Variants in KCNMA1 observed in about 807,000 individuals in gnomAD.
The protein encoded by KCNMA1 is Calcium-activated potassium channel subunit alpha-1.
In KCNMA1, 29 loss-of-function variants were observed where a neutral mutation model predicts 140.0. The ratio of observed to expected loss-of-function variants is 0.21; its 90% CI spans 0.15 to 0.28. The LOEUF (loss-of-function observed/expected upper bound fraction) is 0.28. Ranked by LOEUF, KCNMA1 falls within the 10% of genes least tolerant of loss-of-function variation. KCNMA1 has a pLI of 1.00. For synonymous variants in KCNMA1, 612 were observed against 611.9 expected, an observed-to-expected ratio of 1.00 and a Z score of 0.00; for missense variants, 880 against 1,602.2, an observed-to-expected ratio of 0.55 and a Z score of 7.70.
chr10:77,136,590 C>A (rs1272460280), intron 5 of KCNMA1, among the ~76,000 whole-genome samples: 4 of 32,700 alleles, frequency 1.2e-4, no homozygotes, highest in African/African-American at 4.2e-4. Flanking sequence ...ATTGGAAATG[C>A]TGAAAAAAAA....
intron 9 of KCNMA1, among the ~76,000 whole-genome samples, chr10:77,104,468 C>G (rs1478558236): frequency 6.6e-6 from 1 of 152,196 alleles, no homozygotes; most frequent in Non-Finnish European, 1.5e-5. Context: ...TTGGCTACAT[C>G]TAGTCTTTCA....
At chr10:77,004,267 C>T (rs1215898785) in intron 18 of KCNMA1, among the ~76,000 whole-genome samples, 7 of 144,808 alleles carry the variant, frequency 4.8e-5, no homozygotes, top group South Asian at 2.2e-4. Context: ...TCAGCAAGAA[C>T]GATCAATGAG....
rs10824494 is a variant in KCNMA1, at chr10:77,158,539, C to G, written c.808+24882G>C. Among the ~76,000 whole-genome samples the G allele has an allele frequency of 1.0e-3, 156 of 151,996 alleles. 1 individual carries two copies. Among genetic ancestry groups the G allele is most frequent in the African/African-American group, 3.4e-3 (140 of 41,448 alleles). ...GTGTGAATCTGATATTCCCCATAGTCCCCCCCTCCATGATTCCTAGTTTGC... is the reference window on the plus strand; with the variant it reads ...GTGTGAATCTGATATTCCCCATAGTGCCCCCCTCCATGATTCCTAGTTTGC... On this transcript the variant is annotated intron_variant, in intron 5 of 27. Coordinates refer to ENST00000286628, the MANE Select transcript of KCNMA1 (RefSeq NM_001161352.2).
intron 14 of KCNMA1, chr10:77,063,787 A>T (rs1257704621): frequency 2.0e-6 from 2 of 985,380 alleles, no homozygotes; most frequent in Middle Eastern, 5.2e-4. Flanking sequence ...AATTTGGAAG[A>T]GTGGGGAGGC....
chr10:77,419,402 C>A (rs2096821119), intron 1 of KCNMA1, among the ~76,000 whole-genome samples: 1 of 152,128 alleles, frequency 6.6e-6, no homozygotes, highest in African/African-American at 2.4e-5. Flanking sequence ...GAAGAAAGGT[C>A]AGGTGGTTAC....
intron 2 of KCNMA1, among the ~76,000 whole-genome samples, chr10:77,277,477 A>G (rs1032175035): frequency 6.6e-6 from 1 of 152,184 alleles, no homozygotes; most frequent in Non-Finnish European, 1.5e-5. Flanking sequence ...AGTTTCTCCA[A>G]CACCCAGTCC....
intron 1 of KCNMA1, among the ~76,000 whole-genome samples, chr10:77,590,981 C>T (rs11814189): frequency 0.15 from 23,563 of 152,128 alleles, 2,148 homozygotes; most frequent in Middle Eastern, 0.24. Flanking sequence ...TGGTGCCAGG[C>T]GAGAAAACAG....
intron 19 of KCNMA1, among the ~76,000 whole-genome samples, chr10:76,984,820 C>G (rs990417012): frequency 3.3e-5 from 5 of 152,132 alleles, no homozygotes; most frequent in African/African-American, 1.2e-4. Context: ...TCAAATAAAC[C>G]TTAGCAATTG....
At chr10:76,947,321 G>A (rs2064376088) in intron 22 of KCNMA1, among the ~76,000 whole-genome samples, 1 of 152,090 alleles carries the variant, frequency 6.6e-6, no homozygotes, top group Admixed American at 6.6e-5. Flanking sequence ...TGGGCAGCAA[G>A]AGTGAAACTT....
At chr10:76,943,653 C>A (rs1260425823) in intron 23 of KCNMA1, among the ~76,000 whole-genome samples, 1 of 152,318 alleles carries the variant, frequency 6.6e-6, no homozygotes, top group Middle Eastern at 3.4e-3. Flanking sequence ...CATCTCCCAC[C>A]AGCTGACTCT....
chr10:77,012,097 T>C, intron 17 of KCNMA1, 54 bp from the exon 18 acceptor site: 1 of 1,611,838 alleles, frequency 6.2e-7, no homozygotes. Context: ...CCAAATGAAA[T>C]GAGTACCACA....
At chr10:77,420,314 G>A (rs910092784) in intron 1 of KCNMA1, among the ~76,000 whole-genome samples, 3 of 152,248 alleles carry the variant, frequency 2.0e-5, no homozygotes, top group African/African-American at 7.2e-5. Flanking sequence ...ACCCACCGGA[G>A]GCTGTTAATA....
At chr10:77,002,184 T>C (rs540149459) in intron 18 of KCNMA1, among the ~76,000 whole-genome samples, 282 of 152,318 alleles carry the variant, frequency 1.9e-3, no homozygotes, top group African/African-American at 6.4e-3. Context: ...TGAGTTTATA[T>C]GATGGCTACA....
At chr10:77,235,038 C>T (rs1380207568) in intron 3 of KCNMA1, among the ~76,000 whole-genome samples, 2 of 152,172 alleles carry the variant, frequency 1.3e-5, no homozygotes, top group Non-Finnish European at 1.5e-5. Flanking sequence ...GAACTGGGTG[C>T]TATCAGGTTG....
Position 76,891,530 on chromosome 10 carries a change from A to G in KCNMA1, c.3337T>C (p.Leu1113=), listed in dbSNP as rs756169265. The part of the protein sequence containing the change: ...LALLDGPFAD[L]GDGGCYGDLF... Reference sequence around the variant, plus strand: ...CCTCGGTGCTGTGGACTCACCCCTAAGTCCGCAAATGGCCCATCGAGCAGA... The same window carrying G: ...CCTCGGTGCTGTGGACTCACCCCTAGGTCCGCAAATGGCCCATCGAGCAGA... The change falls in exon 26 of 28, where the codon TTA becomes CTA. Residue 1113 remains leucine, a synonymous_variant. Coordinates refer to ENST00000286628, the MANE Select transcript of KCNMA1 (RefSeq NM_001161352.2). The G allele has an allele frequency of 1.9e-6, 3 of 1,612,856 alleles. No individual in the cohort carries two copies. The African/African-American group carries it at 4.0e-5, about 22-fold the overall frequency.
intron 1 of KCNMA1, chr10:77,636,449 C>A (rs982455212): frequency 1.3e-6 from 2 of 1,536,208 alleles, no homozygotes; most frequent in Admixed American, 3.9e-5. Flanking sequence ...AAAACCGCGG[C>A]CTCAGGCGGA....
At chr10:77,219,858 T>A (rs190070151) in intron 3 of KCNMA1, among the ~76,000 whole-genome samples, 263 of 152,308 alleles carry the variant, frequency 1.7e-3, no homozygotes, top group Admixed American at 3.5e-3. Context: ...ATCACTAACA[T>A]GGTAACTCAT....
At chr10:77,446,328 G>T (rs1404594368) in intron 1 of KCNMA1, among the ~76,000 whole-genome samples, 2 of 152,318 alleles carry the variant, frequency 1.3e-5, no homozygotes, top group Middle Eastern at 3.4e-3. Context: ...CCATCTGAGG[G>T]GCTATTAGAT....
intron 15 of KCNMA1, among the ~76,000 whole-genome samples, chr10:77,034,264 A>G (rs2094166000): frequency 6.7e-6 from 1 of 148,606 alleles, no homozygotes; most frequent in African/African-American, 2.5e-5. Context: ...AAAAAAAAAG[A>G]GAGAGATCTG....
Sources: allele counts gnomAD v4.1 joint callset (sites outside exome capture counted in the v4.1 genomes callset), GRCh38; gene constraint gnomAD v4.1.1; transcripts MANE v1.5; gene names NCBI Gene and HGNC (gene_info 2026-07-23, HGNC 2026-07-21).